The following ODAD4 variants were observed in gnomAD, a reference collection of about 807,000 sequenced individuals.
ODAD4 encodes outer dynein arm docking complex subunit 4, also known as outer dynein arm-docking complex subunit 4.
A neutral mutation model predicts 51.8 loss-of-function variants in ODAD4; 49 were observed. The ratio of observed to expected loss-of-function variants is 0.95; its 90% confidence interval spans 0.75 to 1.20. The LOEUF (loss-of-function observed/expected upper bound fraction) is 1.20. ODAD4 is among the 50% of genes most tolerant of loss of function. ODAD4 has a pLI of 0.00. For missense variants in ODAD4, 590 were observed against 586.5 expected (o/e 1.01, Z -0.06); for synonymous variants, 235 against 221.3 (o/e 1.06, Z -0.55).
intron 10 of ODAD4, 99 bp from the exon 11 acceptor site, chr17:41,961,283 G>A: frequency 3.0e-6 from 2 of 669,116 alleles, no homozygotes; most frequent in East Asian, 2.7e-5. Flanking sequence ...AGGGTGGCAG[G>A]TTCCCACCAG....
chr17:41,942,557 G>A (rs1178744692), intron 7 of ODAD4, among the ~76,000 whole-genome samples: 2 of 152,198 alleles, frequency 1.3e-5, no homozygotes, highest in Admixed American at 6.5e-5. Flanking sequence ...CCACTCCGAC[G>A]GGCTGTGACA....
At chr17:41,954,931 C>T (rs1455198285) in intron 9 of ODAD4, 2 of 453,782 alleles carry the variant, frequency 4.4e-6, no homozygotes, top group African/African-American at 2.0e-5. Context: ...ACTCTGGAGA[C>T]ATATGATGTA....
rs782387159 is a variant in ODAD4 at position 41,965,426 on chromosome 17, T to A, written c.1962T>A (p.Phe654Leu). Residue 654 changes from phenylalanine to leucine, a missense_variant, in exon 12 of 12, where the codon TTT becomes TTA. By Grantham distance (22) the Phe-to-Leu change is conservative. This residue lies in a region of ODAD4 where 226 missense variants were observed against 162.7 expected (regional missense o/e 1.39). Transcript: ENST00000377540. ...REPEELGKTQFGEIGETKKTG... is the reference protein window; with the variant it reads ...REPEELGKTQLGEIGETKKTG... The stretch of plus-strand genomic sequence containing the variant: ...CAGAAGAACTGGGAAAAACACAATT[T>A]GGAGAAATAGGAGAAACGAAAAAAA... The A allele has an allele frequency of 1.3e-6, 1 of 777,304 alleles. No homozygotes were observed. The highest frequency in any genetic ancestry group is 1.4e-5 in the South Asian group (1 of 73,762). 48.2% of individuals were successfully genotyped at this position (777,304 alleles called of 1,614,324 possible).
At chr17:41,945,066 C>G in intron 7 of ODAD4, 70 bp from the exon 8 acceptor site, 1 of 1,290,510 alleles carries the variant, frequency 7.7e-7, no homozygotes, top group South Asian at 1.3e-5. Flanking sequence ...TCTTTGCCTT[C>G]TTTCCTATTT....
chr17:41,933,652 C>CA (rs1184625891), intron 1 of ODAD4, among the ~76,000 whole-genome samples: 163 of 137,408 alleles, frequency 1.2e-3, no homozygotes, highest in African/African-American at 2.2e-3. Context: ...AACGCCATCT[C>CA]AAAAAAAAAA....
In ODAD4 at chr17:41,964,341, G is replaced by A. The variant is rs564730781; in HGVS notation, c.1529-652G>A. Reference sequence around the variant, plus strand: ...CTCCCAAAGTGCTGGGATTACAGGCGTGAGCCATGCCGCCCGGCCGTGTGA... The same window carrying A: ...CTCCCAAAGTGCTGGGATTACAGGCATGAGCCATGCCGCCCGGCCGTGTGA... On this transcript the variant is annotated intron_variant, in intron 11 of 11. Coordinates refer to ENST00000377540, the MANE Select transcript of ODAD4 (RefSeq NM_031421.5). 5.3e-5 allele frequency among the ~76,000 whole-genome samples: 8 copies of A among 152,236 alleles called. No individual in the cohort carries two copies. The East Asian group carries it at 1.4e-3, about 26-fold the overall frequency.
rs782192768 is a variant in ODAD4 at position 41,965,117 on chromosome 17, C to T, written c.1653C>T (p.Asp551=). Residue 551 remains aspartate, a synonymous_variant, in exon 12 of 12, where the codon GAC becomes GAT. Coordinates refer to ENST00000377540, the MANE Select transcript of ODAD4 (RefSeq NM_031421.5). Reference sequence around the variant, plus strand: ...AGGATGAGAAAGAGACAGATGAGGACGATGAGGCTTTTGGGGAAGCTCTGC... The same window carrying T: ...AGGATGAGAAAGAGACAGATGAGGATGATGAGGCTTTTGGGGAAGCTCTGC... The part of the protein sequence containing the change: ...HSEDEKETDE[D]DEAFGEALQS... 11 of 772,968 alleles carry T rather than the reference C, an allele frequency of 1.4e-5. No individual in the cohort carries two copies. Among genetic ancestry groups the T allele is most frequent in the Middle Eastern group, 2.2e-4 (1 of 4,454 alleles). The allele number at this position is 772,968 out of a possible 1,614,324, so 47.9% of individuals were successfully genotyped here. A position where few individuals can be genotyped will look rare whatever the true frequency, so the allele number is the denominator to read the frequency against.
intron 7 of ODAD4, among the ~76,000 whole-genome samples, chr17:41,943,883 A>G (rs1353379035): frequency 1.3e-5 from 2 of 152,148 alleles, no homozygotes; most frequent in Non-Finnish European, 2.9e-5. Flanking sequence ...GCAGGGAACT[A>G]TGGAGGCCAG....
chr17:41,954,433 AT>A (rs782140172), intron 9 of ODAD4, among the ~76,000 whole-genome samples: 1 of 152,068 alleles, frequency 6.6e-6, no homozygotes, highest in Non-Finnish European at 1.5e-5. Flanking sequence ...ACGGGTTCAG[AT>A]TGTACCTGAG....
chr17:41,958,179 C>A (rs1567939330), intron 10 of ODAD4, among the ~76,000 whole-genome samples: 2 of 152,158 alleles, frequency 1.3e-5, no homozygotes, highest in Non-Finnish European at 2.9e-5. Context: ...CCCACTCAAC[C>A]TTTAGGTTTC....
intron 7 of ODAD4, among the ~76,000 whole-genome samples, chr17:41,944,602 C>T (rs549210390): frequency 2.0e-5 from 3 of 151,850 alleles, no homozygotes; most frequent in East Asian, 3.9e-4. Context: ...CCAGCCTTTC[C>T]GACATGGCGG....
At chr17:41,941,142 C>T (rs2050499729) in intron 7 of ODAD4, among the ~76,000 whole-genome samples, 1 of 152,192 alleles carries the variant, frequency 6.6e-6, no homozygotes, top group Non-Finnish European at 1.5e-5. Context: ...TCTCTGTTTC[C>T]CTCCCACAAC....
intron 7 of ODAD4, among the ~76,000 whole-genome samples, chr17:41,941,360 G>A (rs1251497566): frequency 6.6e-6 from 1 of 152,240 alleles, no homozygotes; most frequent in African/African-American, 2.4e-5. Context: ...GCCCCAGCCA[G>A]TGCAGAGCTC....
Position 41,930,787 on chromosome 17 carries a change from C to A in ODAD4, c.64C>A (p.Arg22=). Reference sequence around the variant, plus strand: ...TCCCTCTTATATGGCCGAAGGCGAGCGGCTCTACCTGTGCGGGGAATTTTC... The same window carrying A: ...TCCCTCTTATATGGCCGAAGGCGAGAGGCTCTACCTGTGCGGGGAATTTTC... ...TFPSYMAEGE[R]LYLCGEFSKA... Residue 22 remains arginine (R), a synonymous_variant, in exon 1 of 12, where the codon CGG becomes AGG. Transcript: ENST00000377540. 6.3e-7 allele frequency: 1 copy of A among 1,595,446 alleles called. No individual in the cohort carries two copies. The highest frequency in any genetic ancestry group is 1.1e-5 in the South Asian group (1 of 89,490).
intron 8 of ODAD4, among the ~76,000 whole-genome samples, chr17:41,948,656 T>G (rs1331552740): frequency 6.6e-6 from 1 of 152,002 alleles, no homozygotes; most frequent in Non-Finnish European, 1.5e-5. Context: ...GTGTGTGTGT[T>G]TTGAGATGGA....
rs1355334109 is a variant in ODAD4 at position 41,938,769 on chromosome 17, G to A, written c.838G>A (p.Asp280Asn). 1.2e-6 allele frequency: 2 copies of A among 1,613,180 alleles called. No individual in the cohort carries two copies. Among genetic ancestry groups the A allele is most frequent in the South Asian group, 1.1e-5 (1 of 91,080 alleles). Residue 280 changes from aspartate to asparagine, a missense_variant, in exon 6 of 12, where the codon GAC (aspartate) becomes AAC (asparagine). Coordinates refer to ENST00000377540, the MANE Select transcript of ODAD4 (RefSeq NM_031421.5). ...CCATTACATCCTCAAGAGCCTGGAG[G>A]ACATTGATATGTGTAGGTGTTGTTC... ...TAHYILKSLE[D>N]IDMLLTSGSA...
At chr17:41,949,391 A>G (rs1043342842) in intron 9 of ODAD4, 42 bp downstream of exon 9, 6,225 of 398,378 alleles carry the variant, frequency 0.016, 79 homozygotes, top group Non-Finnish European at 0.018. Context: ...TCCAGCCTTC[A>G]GGCCCAGCTC....
chr17:41,936,791 C>T lies in ODAD4; in HGVS notation c.489C>T (p.Pro163=), dbSNP rs1555637888. Residue 163 remains proline, a synonymous_variant, in exon 5 of 12, where the codon CCC becomes CCT. Coordinates refer to ENST00000377540, the MANE Select transcript of ODAD4 (RefSeq NM_031421.5). ...ENIKAQQKPQ[P]MKHLLHPTKG... ...TAAAAGCCCAGCAGAAGCCTCAGCC[C>T]ATGAAACACCTCTTACACCCCACCA... 6.2e-7 allele frequency: 1 copy of T among 1,613,986 alleles called. No individual in the cohort carries two copies. Among genetic ancestry groups the T allele is most frequent in the African/African-American group, 1.3e-5 (1 of 75,030 alleles).
chr17:41,932,317 C>T (rs929858817), intron 1 of ODAD4, among the ~76,000 whole-genome samples: 1 of 151,962 alleles, frequency 6.6e-6, no homozygotes, highest in African/African-American at 2.4e-5. Flanking sequence ...GATCCCCCCC[C>T]ACCTCAGCCT....
Sources: gnomAD v4.1 joint callset for allele counts (sites outside exome capture counted in the v4.1 genomes callset) on GRCh38, gnomAD v4.1.1 for gene constraint, gnomAD v4.1.1 regional missense constraint, MANE v1.5 for transcripts, NCBI Gene and HGNC (gene_info 2026-07-23, HGNC 2026-07-21) for gene names.